The following PHLDB1 variants were observed in gnomAD, a reference collection of about 807,000 sequenced individuals.
The protein encoded by PHLDB1 is pleckstrin homology like domain family B member 1, also known as pleckstrin homology-like domain family B member 1.
A neutral mutation model predicts 139.3 loss-of-function variants in PHLDB1; 65 were observed. The observed-to-expected ratio is 0.47, with a 90% CI of 0.38 to 0.57. PHLDB1 has a LOEUF of 0.57. PHLDB1 is among the 20% of genes least tolerant of loss of function. The probability of loss-of-function intolerance (pLI) is 0.00; values close to 1 mark genes in which losing one functional copy is unlikely to be tolerated. For missense variants in PHLDB1, 1,624 were observed against 1,839.7 expected (o/e 0.88, Z 2.14); for synonymous variants, 679 against 734.5 (o/e 0.92, Z 1.22).
chr11:118,655,069 C>G, intron 20 of PHLDB1: 1 of 153,974 alleles, frequency 6.5e-6, no homozygotes, highest in Admixed American at 6.4e-5. Flanking sequence ...GTGACACACA[C>G]TAACTTATTA....
rs782587304 is a variant in PHLDB1, at chr11:118,642,413, C to A, written c.2877+19C>A. On this transcript the variant is annotated intron_variant, in intron 13 of 22. Coordinates refer to ENST00000600882, the MANE Select transcript of PHLDB1 (RefSeq NM_001144758.3). ...GCTGCAGGTAACCCCTCCTTCACTG[C>A]CCGTCCTCCCCAGCCTTTGCACCTG... 7 of 1,602,230 alleles carry A rather than the reference C, an allele frequency of 4.4e-6. No homozygotes were observed. The African/African-American group carries it at 8.0e-5, about 18-fold the overall frequency.
At chr11:118,624,589 T>C in intron 4 of PHLDB1, 1 of 217,704 alleles carries the variant, frequency 4.6e-6, no homozygotes, top group South Asian at 4.8e-5. Flanking sequence ...TTTCTTCCTT[T>C]CTTTTTTTTT....
At chr11:118,644,486 A>T in intron 15 of PHLDB1, 1 of 446,322 alleles carries the variant, frequency 2.2e-6, no homozygotes, top group South Asian at 2.1e-5. Flanking sequence ...GGATTTGATG[A>T]CTTCTAGAAA....
In PHLDB1 at chr11:118,645,900, C is replaced by A; in HGVS notation, c.3507+75C>A. The A allele has an allele frequency of 1.1e-6, 1 of 933,716 alleles. No homozygotes were observed. Among genetic ancestry groups the A allele is most frequent in the East Asian group, 2.4e-5 (1 of 41,742 alleles). The allele number at this position is 933,716 out of a possible 1,614,324, so 57.8% of individuals were successfully genotyped here. A position where few individuals can be genotyped will look rare whatever the true frequency, so the allele number is the denominator to read the frequency against. On this transcript the variant is annotated intron_variant, in intron 17 of 22. Coordinates refer to ENST00000600882, the MANE Select transcript of PHLDB1 (RefSeq NM_001144758.3). This position sits in a 1 kb window ranked among gnomAD's most constrained non-coding sequence, Gnocchi z 5.1. ...ACCTACTGCATGTCAAGGGCCTGTG[C>A]TCCACCCCAAGCCCTTCCACCCACA...
Position 118,627,792 on chromosome 11 carries a change from C to G in PHLDB1, c.969C>G (p.Pro323=). Residue 323 remains proline (P), a synonymous_variant, in exon 6 of 23, where the codon CCC becomes CCG. Transcript: ENST00000600882. The part of the protein sequence containing the change: ...LSRKGGHERP[P]SPGLRGLLTD... ...GGAAAGGGGGCCATGAGAGGCCTCC[C>G]AGCCCTGGCCTCCGGGGTCTGCTGA... The G allele has an allele frequency of 6.2e-7, 1 of 1,605,230 alleles. No individual in the cohort carries two copies. Among genetic ancestry groups the G allele is most frequent in the African/African-American group, 1.3e-5 (1 of 75,024 alleles).
chr11:118,655,563 A>C, intron 20 of PHLDB1, 42 bp from the exon 21 acceptor site: 1 of 1,263,034 alleles, frequency 7.9e-7, no homozygotes, highest in South Asian at 1.2e-5. Flanking sequence ...GCTAGACCTG[A>C]AGTGTGACCG....
In PHLDB1 at chr11:118,627,424, A is replaced by C; in HGVS notation, c.601A>C (p.Met201Leu). The C allele has an allele frequency of 6.2e-7, 1 of 1,614,200 alleles. No homozygotes were observed. The highest frequency in any genetic ancestry group is 1.3e-5 in the African/African-American group (1 of 75,060). The change falls in exon 6 of 23, where the codon ATG becomes CTG. Residue 201 changes from methionine to leucine, a missense_variant. Met to Leu is a conservative substitution (Grantham distance 15, BLOSUM62 2). Transcript: ENST00000600882. ...TATTGAGAAGGACCTGCAAGAGATC[A>C]TGGACTCACTGGTGCTAGAGGAGCC... ...SSIEKDLQEI[M>L]DSLVLEEPGA...
rs1255511569 is a variant in PHLDB1 at position 118,632,845 on chromosome 11, A to G, written c.2379+549A>G. 1 of 985,638 alleles carries G rather than the reference A, an allele frequency of 1.0e-6. No homozygotes were observed. Among genetic ancestry groups the G allele is most frequent in the Non-Finnish European group, 1.2e-6 (1 of 830,000 alleles). 61.1% of individuals were successfully genotyped at this position (985,638 alleles called of 1,614,324 possible). On this transcript the variant is annotated intron_variant, in intron 9 of 22. Transcript: ENST00000600882. This position sits in a 1 kb window ranked among gnomAD's most constrained non-coding sequence, Gnocchi z 5.9. ...CTGCAGGGGCCACTCCCAGATGCCC[A>G]ACACCGTGCCAAAAGCTCTGAAGTG...
intron 6 of PHLDB1, among the ~76,000 whole-genome samples, chr11:118,628,851 CTT>C (rs1555107285): frequency 6.6e-6 from 1 of 152,246 alleles, no homozygotes; most frequent in Non-Finnish European, 1.5e-5. Context: ...ATCTCTAAGA[CTT>C]TATTTTAAAT....
intron 4 of PHLDB1, 119 bp downstream of exon 4, chr11:118,616,330 A>G: frequency 1.2e-6 from 1 of 839,502 alleles, no homozygotes; most frequent in Non-Finnish European, 1.9e-6. Context: ...CATACTGGGA[A>G]TGGAGTACTC....
chr11:118,643,973 G>T (rs1417928184), intron 14 of PHLDB1, 33 bp downstream of exon 14: 14 of 1,590,796 alleles, frequency 8.8e-6, no homozygotes, highest in Non-Finnish European at 1.1e-5. Flanking sequence ...TGCACATGTG[G>T]CTGGGGATGG....
chr11:118,642,409 A>C lies in PHLDB1; in HGVS notation c.2877+15A>C. On this transcript the variant is annotated intron_variant, in intron 13 of 22. Transcript: ENST00000600882. ...GTCAGCTGCAGGTAACCCCTCCTTC[A>C]CTGCCCGTCCTCCCCAGCCTTTGCA... 6.2e-7 allele frequency: 1 copy of C among 1,603,486 alleles called. No individual in the cohort carries two copies.
At position 118,635,211 on chromosome 11, in the gene PHLDB1, C is replaced by T. The variant is rs892950219; in HGVS notation, c.2380-182C>T. The T allele has an allele frequency of 4.2e-6, 3 of 712,546 alleles. No individual in the cohort carries two copies. The Admixed American group carries it at 8.2e-5, about 19-fold the overall frequency. 44.1% of individuals were successfully genotyped at this position (712,546 alleles called of 1,614,324 possible). ...AACCGGGAAGGTTGGGGAATCAGCG[C>T]TCCAGGCCATGATGCCCGCAAAAGG... On this transcript the variant is annotated intron_variant, in intron 9 of 22. Coordinates refer to ENST00000600882, the MANE Select transcript of PHLDB1 (RefSeq NM_001144758.3).
Position 118,631,386 on chromosome 11 carries a change from C to T in PHLDB1, c.2007C>T (p.Gly669=), listed in dbSNP as rs147801772. The change falls in exon 7 of 23, where the codon GGC becomes GGT. Residue 669 remains glycine (G), a synonymous_variant. Coordinates refer to ENST00000600882, the MANE Select transcript of PHLDB1 (RefSeq NM_001144758.3). ...GASGRSSEEP[G]VATQRLWESM... ...CTGGGCGGAGCAGCGAGGAGCCTGG[C>T]GTTGCCACCCAACGCCTATGGGAGA... 313 of 1,507,638 alleles carry T rather than the reference C, an allele frequency of 2.1e-4. 2 individuals are homozygous for T. In the African/African-American group the frequency reaches 3.3e-3, roughly 16 times the overall value. 93.4% of individuals were successfully genotyped at this position (1,507,638 alleles called of 1,614,324 possible).
Position 118,628,164 on chromosome 11 carries a change from C to T in PHLDB1, c.1341C>T (p.Gly447=), listed in dbSNP as rs781906454. The T allele has an allele frequency of 6.2e-7, 1 of 1,614,122 alleles. No homozygotes were observed. The highest frequency in any genetic ancestry group is 1.1e-5 in the South Asian group (1 of 91,086). The change falls in exon 6 of 23, where the codon GGC becomes GGT. Residue 447 remains glycine (G), a synonymous_variant. Coordinates refer to ENST00000600882, the MANE Select transcript of PHLDB1 (RefSeq NM_001144758.3). ...TLQPPESPRL[G]RRGLDSMREL... Reference sequence around the variant, plus strand: ...AGCCTCCTGAGAGTCCCCGCCTGGGCCGGCGGGGCCTGGACAGTATGCGAG... The same window carrying T: ...AGCCTCCTGAGAGTCCCCGCCTGGGTCGGCGGGGCCTGGACAGTATGCGAG...
Position 118,628,226 on chromosome 11 carries a change from C to T in PHLDB1, c.1403C>T (p.Ala468Val). Residue 468 changes from alanine to valine, a missense_variant, in exon 6 of 23, where the codon GCT becomes GTT. Transcript: ENST00000600882. ...TTAAGTCCATCTCTGTCCCGGCGAG[C>T]TCTCTCCCCGCTGCCCACCCGGACC... ...PPLSPSLSRR[A>V]LSPLPTRTTP... is the part of the protein sequence containing the mutation. The T allele has an allele frequency of 1.9e-6, 3 of 1,614,120 alleles. No homozygotes were observed. The highest frequency in any genetic ancestry group is 2.2e-5 in the East Asian group (1 of 44,862).
In PHLDB1 at chr11:118,650,500, G is replaced by A. The variant is rs782415248; in HGVS notation, c.3827G>A (p.Arg1276His). ...GGCAAGATTAAATCATGGAAGAAGC[G>A]CTGGTTTGTCTTCGACCGGCTCAAG... ...MGGKIKSWKK[R>H]WFVFDRLKRT... The change falls in exon 20 of 23, where the codon CGC becomes CAC. Residue 1276 changes from arginine (R) to histidine (H), a missense_variant. Transcript: ENST00000600882. The surrounding 1 kb of genome is among the most constrained non-coding windows in gnomAD (Gnocchi z 4.7). The A allele has an allele frequency of 3.1e-6, 5 of 1,614,126 alleles. No individual in the cohort carries two copies. The highest frequency in any genetic ancestry group is 1.3e-5 in the African/African-American group (1 of 75,030).
At position 118,631,280 on chromosome 11, in the gene PHLDB1, G is replaced by T; in HGVS notation, c.1901G>T (p.Gly634Val). Residue 634 changes from glycine (G) to valine (V), a missense_variant, in exon 7 of 23, where the codon GGG (glycine) becomes GTG (valine). Gly to Val is a moderately radical substitution (Grantham distance 109). Transcript: ENST00000600882. ...YSRADGGPEA[G>V]ELPSIGEATA... ...CGGGCTGATGGGGGACCTGAGGCTG[G>T]GGAGCTTCCCAGCATTGGGGAGGCC... 6.6e-7 allele frequency: 1 copy of T among 1,520,420 alleles called. No homozygotes were observed. Among genetic ancestry groups the T allele is most frequent in the South Asian group, 1.3e-5 (1 of 77,674 alleles). 94.2% of individuals were successfully genotyped at this position (1,520,420 alleles called of 1,614,324 possible). A position where few individuals can be genotyped will look rare whatever the true frequency, so the allele number is the denominator to read the frequency against.
chr11:118,607,396 A>G (rs540812843), upstream of PHLDB1, among the ~76,000 whole-genome samples: 10 of 113,076 alleles, frequency 8.8e-5, no homozygotes, highest in African/African-American at 3.5e-4. Flanking sequence ...GATGGTGGAG[A>G]GCCCAGCTGC....
Sources: gnomAD v4.1 joint callset for allele counts (sites outside exome capture counted in the v4.1 genomes callset) on GRCh38, gnomAD v4.1.1 for gene constraint, Gnocchi (gnomAD v3.1) non-coding constraint, MANE v1.5 for transcripts, NCBI Gene and HGNC (gene_info 2026-07-23, HGNC 2026-07-21) for gene names.